The following EXOC3L1 variants were observed in gnomAD, a reference collection of about 807,000 sequenced individuals.
EXOC3L1 encodes the protein exocyst complex component 3 like 1.
Under a neutral mutation model 83.6 loss-of-function variants are expected in EXOC3L1, and 79 were observed. The ratio of observed to expected loss-of-function variants is 0.95; its 90% confidence interval spans 0.79 to 1.14. The LOEUF is 1.14. Among genes scored for constraint, EXOC3L1 ranks in the 50% most tolerant of loss-of-function variants. The pLI, the probability that EXOC3L1 is intolerant of heterozygous loss-of-function variation, is 0.00. For synonymous variants in EXOC3L1, 433 were observed against 451.2 expected (o/e 0.96, Z 0.51); for missense variants, 945 against 972.0 (o/e 0.97, Z 0.37).
In EXOC3L1 at chr16:67,190,002, A is replaced by G. The variant is rs1314505764; in HGVS notation, c.-39T>C. 3.1e-5 allele frequency: 10 copies of G among 323,418 alleles called. No individual in the cohort carries two copies. The Admixed American group carries it at 4.5e-4, about 15-fold the overall frequency. The allele number at this position is 323,418 out of a possible 1,614,324, so 20.0% of individuals were successfully genotyped here. Reference sequence around the variant, plus strand: ...TGATCAGGCGTCCAGTTCTCCCTCCAAAAATGACCTTGGCCTTGAGAACAG... The same window carrying G: ...TGATCAGGCGTCCAGTTCTCCCTCCGAAAATGACCTTGGCCTTGAGAACAG... On this transcript the variant is annotated 5_prime_UTR_variant, in exon 1 of 14. Coordinates refer to ENST00000314586, the MANE Select transcript of EXOC3L1 (RefSeq NM_178516.4).
rs1169980283 is a variant in EXOC3L1 at position 67,190,040 on chromosome 16, T to A, written c.-77A>T. On this transcript the variant is annotated 5_prime_UTR_variant, in exon 1 of 14. Coordinates refer to ENST00000314586, the MANE Select transcript of EXOC3L1 (RefSeq NM_178516.4). The stretch of plus-strand genomic sequence containing the variant: ...GCCTTGAGAACAGCCCTCTCCCCAA[T>A]GCAGCTGGGCACGCCTGCCACTTGC... The A allele has an allele frequency of 4.6e-6, 1 of 219,474 alleles. No individual in the cohort carries two copies. The highest frequency in any genetic ancestry group is 1.1e-4 in the East Asian group (1 of 9,492). The allele number at this position is 219,474 out of a possible 1,614,324, so 13.6% of individuals were successfully genotyped here. A position where few individuals can be genotyped will look rare whatever the true frequency, so the allele number is the denominator to read the frequency against.
rs1390558657 is a variant in EXOC3L1, at chr16:67,184,940, G to A, written c.1867C>T (p.His623Tyr). 6.2e-7 allele frequency: 1 copy of A among 1,611,774 alleles called. No individual in the cohort carries two copies. Among genetic ancestry groups the A allele is most frequent in the Admixed American group, 1.7e-5 (1 of 59,932 alleles). ...ERTQAAERLR[H>Y]DAAQLQQLFL... ...AGCTGCTGAAGCTGGGCAGCATCGT[G>A]CCGCAGGCGCTCGGCCGCCTGGGTC... The change falls in exon 12 of 14, where the codon CAC (histidine) becomes TAC (tyrosine). Residue 623 changes from histidine to tyrosine, a missense_variant. By Grantham distance (83) the His-to-Tyr change is moderately conservative. Transcript: ENST00000314586.
At chr16:67,186,000 T>C (rs1297070767) in intron 9 of EXOC3L1, among the ~76,000 whole-genome samples, 1 of 152,238 alleles carries the variant, frequency 6.6e-6, no homozygotes, top group Non-Finnish European at 1.5e-5. Flanking sequence ...TGTTATCTCA[T>C]GTGATTCTCA....
rs1378248719 is a variant in EXOC3L1 at position 67,188,821 on chromosome 16, G to A, written c.327C>T (p.Gly109=). 1.2e-6 allele frequency: 2 copies of A among 1,613,274 alleles called. No individual in the cohort carries two copies. Among genetic ancestry groups the A allele is most frequent in the African/African-American group, 1.3e-5 (1 of 74,952 alleles). The part of the protein sequence containing the change: ...ALSQARGLLQ[G]MSQALQTLEP... ...CTAGAGTCTGTAAGGCCTGGGACAT[G>A]CCCTGGAGCAACCCACGGGCCTGGC... is the stretch of plus-strand genomic sequence containing the variant. Residue 109 remains glycine, a synonymous_variant, in exon 4 of 14, where the codon GGC becomes GGT. Transcript: ENST00000314586.
rs1196754885 is a variant in EXOC3L1, at chr16:67,189,268, A to ATTTATTTGTTTG, written c.47-100_47-89dup. ...AGCTTTCTTATTTATTTATTTATTT[A>ATTTATTTGTTTG]TTTATTTGTTTGTTTATTTGTTTAT... On this transcript the variant is annotated intron_variant, in intron 2 of 13. Transcript: ENST00000314586. 10 of 1,261,374 alleles carry ATTTATTTGTTTG rather than the reference A, an allele frequency of 7.9e-6. No homozygotes were observed. In the East Asian group the frequency reaches 1.4e-4, roughly 17 times the overall value. 78.1% of individuals were successfully genotyped at this position (1,261,374 alleles called of 1,614,324 possible). A position where few individuals can be genotyped will look rare whatever the true frequency, so the allele number is the denominator to read the frequency against.
rs761424295 is a variant in EXOC3L1, at chr16:67,186,294, A to G, written c.1439T>C (p.Met480Thr). Reference protein sequence around the residue: ...FSRDHFRGKSMAPHYVPYLLA... With the variant: ...FSRDHFRGKSTAPHYVPYLLA... ...TAGGTAGGGCACGTAATGAGGGGCC[A>G]TTGATTTCCCCCTGAAGTGGTCTCG... The change falls in exon 9 of 14, where the codon ATG becomes ACG. Residue 480 changes from methionine to threonine, a missense_variant. Transcript: ENST00000314586. 6 of 1,576,742 alleles carry G rather than the reference A, an allele frequency of 3.8e-6. No individual in the cohort carries two copies. Among genetic ancestry groups the G allele is most frequent in the African/African-American group, 2.7e-5 (2 of 74,040 alleles).
At chr16:67,188,309 A>C (rs929162028) in intron 4 of EXOC3L1, among the ~76,000 whole-genome samples, 1 of 152,216 alleles carries the variant, frequency 6.6e-6, no homozygotes, top group African/African-American at 2.4e-5. Context: ...CCAGTAGAGT[A>C]CTGGCCAATC....
In EXOC3L1 at chr16:67,188,754, C is replaced by T. The variant is rs1332723258; in HGVS notation, c.394G>A (p.Ala132Thr). The change falls in exon 4 of 14, where the codon GCC becomes ACC. Residue 132 changes from alanine to threonine, a missense_variant. By Grantham distance (58) the Ala-to-Thr change is moderately conservative. Transcript: ENST00000314586. ...AGCCGAGGCAGCAGGTGAGACAGGGCCTGCAGTTGCTTGTGCTGGGCAACC... is the reference window on the plus strand; with the variant it reads ...AGCCGAGGCAGCAGGTGAGACAGGGTCTGCAGTTGCTTGTGCTGGGCAACC... ...ERVAQHKQLQALSHLLPRLRA... is the reference protein window; with the variant it reads ...ERVAQHKQLQTLSHLLPRLRA... The T allele has an allele frequency of 4.3e-6, 7 of 1,612,492 alleles. No homozygotes were observed. In the East Asian group the frequency reaches 1.3e-4, roughly 31 times the overall value.
intron 2 of EXOC3L1, 23 bp downstream of exon 2, chr16:67,189,607 CT>C (rs1370419002): frequency 3.7e-6 from 6 of 1,613,944 alleles, no homozygotes; most frequent in Non-Finnish European, 8.5e-7. Context: ...CATTCCTCCC[CT>C]AGTCCACCCA....
rs1219259773 is a variant in EXOC3L1 at position 67,187,444 on chromosome 16, C to G, written c.821G>C (p.Gly274Ala). ...PLLPAPGALP[G>A]WLEALRVALP... ...GGCCACTCGCAGAGCCTCCAGCCAC[C>G]CTGGTAGGGCCCCTGGTGCAGGCAG... Residue 274 changes from glycine (G) to alanine (A), a missense_variant, in exon 5 of 14, where the codon GGG becomes GCG. By Grantham distance (60) the Gly-to-Ala change is moderately conservative (BLOSUM62 0). Transcript: ENST00000314586. 6 of 1,609,666 alleles carry G rather than the reference C, an allele frequency of 3.7e-6. No homozygotes were observed. Among genetic ancestry groups the G allele is most frequent in the Non-Finnish European group, 5.1e-6 (6 of 1,179,770 alleles).
Position 67,188,775 on chromosome 16 carries a change from C to T in EXOC3L1, c.373G>A (p.Ala125Thr), listed in dbSNP as rs771488893. 13 of 1,613,112 alleles carry T rather than the reference C, an allele frequency of 8.1e-6. No individual in the cohort carries two copies. Among genetic ancestry groups the T allele is most frequent in the Non-Finnish European group, 1.1e-5 (13 of 1,179,938 alleles). ...AGGGCCTGCAGTTGCTTGTGCTGGG[C>T]AACCCGCTCCCGTAGGGGCTCTAGA... The part of the protein sequence containing the change: ...QTLEPLRERV[A>T]QHKQLQALSH... The change falls in exon 4 of 14, where the codon GCC becomes ACC. Residue 125 changes from alanine (A) to threonine (T), a missense_variant. Ala to Thr is a moderately conservative substitution (Grantham distance 58). Transcript: ENST00000314586.
Position 67,187,447 on chromosome 16 carries a change from G to A in EXOC3L1, c.818C>T (p.Pro273Leu). The A allele has an allele frequency of 6.2e-7, 1 of 1,609,708 alleles. No homozygotes were observed. The highest frequency in any genetic ancestry group is 1.3e-5 in the African/African-American group (1 of 75,044). ...SPLLPAPGAL[P>L]GWLEALRVAL... ...CACTCGCAGAGCCTCCAGCCACCCT[G>A]GTAGGGCCCCTGGTGCAGGCAGCAG... The change falls in exon 5 of 14, where the codon CCA becomes CTA. Residue 273 changes from proline (P) to leucine (L), a missense_variant. Physicochemically the swap from Pro to Leu is moderately conservative, Grantham distance 98 (BLOSUM62 -3). Transcript: ENST00000314586.
Position 67,184,528 on chromosome 16 carries a change from G to A in EXOC3L1, c.2107C>T (p.Leu703=), listed in dbSNP as rs1254981871. 2 of 1,524,656 alleles carry A rather than the reference G, an allele frequency of 1.3e-6. No homozygotes were observed. The highest frequency in any genetic ancestry group is 1.2e-5 in the South Asian group (1 of 82,882). 94.4% of individuals were successfully genotyped at this position (1,524,656 alleles called of 1,614,324 possible). Residue 703 remains leucine, a synonymous_variant, in exon 14 of 14, where the codon CTG becomes TTG. Transcript: ENST00000314586. ...REQHLAALSS[L]QAALPPSPRA... is the part of the protein sequence containing the mutation. The stretch of plus-strand genomic sequence containing the variant: ...GGCGACGGCGGCAGCGCAGCCTGCA[G>A]GGAGCTGAGCGCGGCCAGGTGCTGC...
chr16:67,186,349 T>TGCAATGG lies in EXOC3L1; in HGVS notation c.1386-9_1386-3dup. On this transcript the variant is annotated splice_polypyrimidine_tract_variant and splice_region_variant and intron_variant, in intron 8 of 13. Coordinates refer to ENST00000314586, the MANE Select transcript of EXOC3L1 (RefSeq NM_178516.4). ...AATCGGATCAGAGCATCACTGAAGC[T>TGCAATGG]GCAATGGGCAGAGGTGGCTCCTGGA... The TGCAATGG allele has an allele frequency of 6.4e-7, 1 of 1,556,730 alleles. No homozygotes were observed. Among genetic ancestry groups the TGCAATGG allele is most frequent in the Non-Finnish European group, 8.7e-7 (1 of 1,148,792 alleles).
Position 67,186,548 on chromosome 16 carries a change from T to C in EXOC3L1, c.1385+9A>G, listed in dbSNP as rs1157207937. On this transcript the variant is annotated intron_variant, in intron 8 of 13. Coordinates refer to ENST00000314586, the MANE Select transcript of EXOC3L1 (RefSeq NM_178516.4). ...TAGGGATCAGGAATGGGTCAGTGCC[T>C]CAGCAAACCTCCTCAAGAATGTGCC... 2 of 1,613,320 alleles carry C rather than the reference T, an allele frequency of 1.2e-6. No homozygotes were observed. The highest frequency in any genetic ancestry group is 8.5e-7 in the Non-Finnish European group (1 of 1,179,590).
chr16:67,186,045 GAA>G (rs2032708417), intron 9 of EXOC3L1, among the ~76,000 whole-genome samples, 190 bp downstream of exon 9: 1 of 152,318 alleles, frequency 6.6e-6, no homozygotes, highest in East Asian at 1.9e-4. Flanking sequence ...ATACTAATGA[GAA>G]AAGTGAGATT....
chr16:67,188,720 C>T lies in EXOC3L1; in HGVS notation c.427+1G>A, dbSNP rs1203271429. Reference sequence around the variant, plus strand: ...GAGGCCCAGGGTCCCTGCATGCTCACCTGCCCGCAGCCGAGGCAGCAGGTG... The same window carrying T: ...GAGGCCCAGGGTCCCTGCATGCTCATCTGCCCGCAGCCGAGGCAGCAGGTG... On this transcript the variant is annotated splice_donor_variant, in intron 4 of 13. Transcript: ENST00000314586. LOFTEE classifies it high-confidence loss of function. The T allele has an allele frequency of 5.6e-6, 9 of 1,608,698 alleles. No individual in the cohort carries two copies. Among genetic ancestry groups the T allele is most frequent in the Non-Finnish European group, 7.6e-6 (9 of 1,177,700 alleles).
At chr16:67,186,699 T>A in intron 7 of EXOC3L1, 42 bp from the exon 8 acceptor site, 1 of 1,613,218 alleles carries the variant, frequency 6.2e-7, no homozygotes, top group East Asian at 2.2e-5. Flanking sequence ...GCCTCCCTCC[T>A]TCCTCTCCTC....
In EXOC3L1 at chr16:67,187,742, C is replaced by T; in HGVS notation, c.523G>A (p.Asp175Asn). 3.1e-6 allele frequency: 5 copies of T among 1,613,048 alleles called. No homozygotes were observed. Among genetic ancestry groups the T allele is most frequent in the Non-Finnish European group, 4.2e-6 (5 of 1,180,012 alleles). ...SLRELEQLRE[D>N]TWAPLGGLEL... Reference sequence around the variant, plus strand: ...AGGCCCCCCAGGGGTGCCCACGTATCCTCTCGCAGCTGCTCCAGCTCCCGA... The same window carrying T: ...AGGCCCCCCAGGGGTGCCCACGTATTCTCTCGCAGCTGCTCCAGCTCCCGA... Residue 175 changes from aspartate (D) to asparagine (N), a missense_variant, in exon 5 of 14, where the codon GAT becomes AAT. Transcript: ENST00000314586.
Sources: allele counts gnomAD v4.1 joint callset (sites outside exome capture counted in the v4.1 genomes callset), GRCh38; gene constraint gnomAD v4.1.1; transcripts MANE v1.5; gene names NCBI Gene and HGNC (gene_info 2026-07-23, HGNC 2026-07-21).